MTUS2: variants seen among roughly 807,000 people sequenced by gnomAD.
The protein encoded by MTUS2 is microtubule-associated tumor suppressor candidate 2.
MTUS2 carries 40 observed loss-of-function variants against 114.1 expected under a neutral mutation model. The observed-to-expected ratio is 0.35, with a 90% CI of 0.27 to 0.46. The LOEUF is 0.46. Among genes scored for constraint, MTUS2 ranks in the 20% least tolerant of loss-of-function variants. MTUS2 has a pLI of 1.00. For synonymous variants in MTUS2, 688 were observed against 672.0 expected (o/e 1.02, Z -0.37); for missense variants, 1,679 against 1,705.4 (o/e 0.98, Z 0.27).
At chr13:28,998,834 G>A (rs139787968) in intron 2 of MTUS2, among the ~76,000 whole-genome samples, 2,697 of 152,138 alleles carry the variant, frequency 0.018, 84 homozygotes, top group African/African-American at 0.061. Flanking sequence ...CCATTGGTTC[G>A]AACTTCCTCC....
rs115193084 is a variant in MTUS2 at position 29,391,388 on chromosome 13, C to T, written c.3117+31915C>T. Among the ~76,000 whole-genome samples the T allele has an allele frequency of 6.4e-3, 976 of 152,282 alleles. 7 individuals carry two copies. Among genetic ancestry groups the T allele is most frequent in the African/African-American group, 0.022 (919 of 41,562 alleles). On this transcript the variant is annotated intron_variant, in intron 8 of 15. Transcript: ENST00000612955. ...AGGCTCAGTGGACCCCTAAAGACTC[C>T]GGTTACAACTGTAGTGGATGTTCAC... is the stretch of plus-strand genomic sequence containing the variant.
chr13:28,994,069 A>C (rs1452561560), intron 2 of MTUS2, among the ~76,000 whole-genome samples: 2 of 152,048 alleles, frequency 1.3e-5, no homozygotes, highest in African/African-American at 4.8e-5. Flanking sequence ...CACCCACAAC[A>C]GTCGCCGGTG....
intron 6 of MTUS2, among the ~76,000 whole-genome samples, chr13:29,324,410 A>C (rs1225553193): frequency 6.6e-6 from 1 of 152,110 alleles, no homozygotes; most frequent in Non-Finnish European, 1.5e-5. Context: ...TCCCCTGACC[A>C]CTCAAAACTA....
intron 7 of MTUS2, among the ~76,000 whole-genome samples, chr13:29,335,857 C>T (rs1901037532): frequency 6.6e-6 from 1 of 152,184 alleles, no homozygotes; most frequent in South Asian, 2.1e-4. Flanking sequence ...CATGTAGTCC[C>T]ATATTTCTTG....
chr13:29,120,383 ATCCATGATTATTT>A lies in MTUS2; in HGVS notation c.2644+19414_2644+19426del, dbSNP rs1891258784. Among the ~76,000 whole-genome samples, 3 of 152,086 alleles carry A rather than the reference ATCCATGATTATTT, an allele frequency of 2.0e-5. 1 individual carries two copies. The South Asian group carries it at 6.2e-4, about 32-fold the overall frequency. ...AATAGTAAAATATATTTTCACAAAT[ATCCATGATTATTT>A]AAATGGAAAAAATCAGAACAGTATT... is the stretch of plus-strand genomic sequence containing the variant. On this transcript the variant is annotated intron_variant, in intron 5 of 15. Transcript: ENST00000612955.
At chr13:29,461,406 G>A (rs963203567) in intron 9 of MTUS2, among the ~76,000 whole-genome samples, 2 of 152,132 alleles carry the variant, frequency 1.3e-5, no homozygotes, top group Admixed American at 1.3e-4. Context: ...CCATAGTAGG[G>A]GGTCATTTAA....
chr13:29,036,681 C>T (rs1046506663), intron 4 of MTUS2, among the ~76,000 whole-genome samples: 1 of 152,202 alleles, frequency 6.6e-6, no homozygotes, highest in South Asian at 2.1e-4. Context: ...CTTTATGAAT[C>T]TGGGTGCTCC....
chr13:29,079,981 T>A (rs559771050), intron 4 of MTUS2, among the ~76,000 whole-genome samples: 63 of 152,356 alleles, frequency 4.1e-4, no homozygotes, highest in African/African-American at 1.4e-3. Context: ...TAGATCAATT[T>A]GGGGAGTATT....
chr13:29,300,047 A>G (rs904286332), intron 6 of MTUS2, among the ~76,000 whole-genome samples: 9 of 152,186 alleles, frequency 5.9e-5, no homozygotes, highest in Non-Finnish European at 1.2e-4. Flanking sequence ...AGCTATTGTC[A>G]TTGAAATGTC....
At chr13:29,461,509 A>C (rs1879493846) in intron 9 of MTUS2, among the ~76,000 whole-genome samples, 1 of 152,216 alleles carries the variant, frequency 6.6e-6, no homozygotes, top group Admixed American at 6.5e-5. Flanking sequence ...ATATACAGAC[A>C]AAGTGCATAT....
At chr13:29,123,867 A>G (rs1345028350) in intron 5 of MTUS2, among the ~76,000 whole-genome samples, 1 of 152,162 alleles carries the variant, frequency 6.6e-6, no homozygotes, top group African/African-American at 2.4e-5. Context: ...CTCCCGCCTC[A>G]TTCCCTAGGC....
intron 8 of MTUS2, among the ~76,000 whole-genome samples, chr13:29,410,990 C>A (rs1458162197): frequency 2.0e-5 from 3 of 152,290 alleles, no homozygotes; most frequent in African/African-American, 7.2e-5. Flanking sequence ...TGCCACCACA[C>A]CCGGCTAATT....
At chr13:29,339,122 G>C (rs1174764353) in intron 7 of MTUS2, among the ~76,000 whole-genome samples, 2 of 152,130 alleles carry the variant, frequency 1.3e-5, no homozygotes, top group African/African-American at 2.4e-5. Context: ...CTCCCGGGGC[G>C]GCTCCTTGGG....
intron 2 of MTUS2, among the ~76,000 whole-genome samples, chr13:28,996,271 T>A (rs150857670): frequency 2.0e-5 from 3 of 152,310 alleles, no homozygotes; most frequent in Non-Finnish European, 4.4e-5. Flanking sequence ...GTGGATAAGC[T>A]TTTTGATGTG....
chr13:29,331,215 A>C (rs570863422), intron 7 of MTUS2, among the ~76,000 whole-genome samples: 2 of 152,174 alleles, frequency 1.3e-5, no homozygotes, highest in African/African-American at 4.8e-5. Flanking sequence ...ATGGGAGTTC[A>C]CTCATGATTT....
rs6490372 is a variant in MTUS2 at position 29,216,447 on chromosome 13, C to T, written c.2645-65257C>T. 6.8e-3 allele frequency among the ~76,000 whole-genome samples: 1,038 copies of T among 152,262 alleles called. 9 individuals are homozygous for T. The highest frequency in any genetic ancestry group is 0.024 in the African/African-American group (1,003 of 41,554). On this transcript the variant is annotated intron_variant, in intron 5 of 15. Transcript: ENST00000612955. ...CGAAAAGAAACTCCCGCAGCTAGCT[C>T]GGTGTCTTCCCCAATAGCTGCTCTA...
intron 5 of MTUS2, among the ~76,000 whole-genome samples, chr13:29,105,529 C>T (rs1890620064): frequency 1.3e-5 from 2 of 152,122 alleles, no homozygotes; most frequent in South Asian, 2.1e-4. Flanking sequence ...TCCAGTTTCT[C>T]CTCTTCTTCC....
intron 11 of MTUS2, among the ~76,000 whole-genome samples, chr13:29,488,410 T>C (rs960213881): frequency 7.3e-5 from 11 of 150,960 alleles, no homozygotes; most frequent in African/African-American, 2.7e-4. Context: ...AAAGCAGGCA[T>C]GGAAATCGTG....
intron 8 of MTUS2, among the ~76,000 whole-genome samples, chr13:29,404,192 A>AT (rs60381516): frequency 6.7e-6 from 1 of 149,944 alleles, no homozygotes; most frequent in Admixed American, 6.6e-5. Context: ...AAAAAAAAAA[A>AT]GTACAAAAAT....
Sources: allele counts gnomAD v4.1 joint callset (sites outside exome capture counted in the v4.1 genomes callset), GRCh38; gene constraint gnomAD v4.1.1; transcripts MANE v1.5; gene names NCBI Gene and HGNC (gene_info 2026-07-23, HGNC 2026-07-21).